MERTK: variants seen among roughly 807,000 people sequenced by gnomAD.
MERTK encodes tyrosine-protein kinase Mer.
Under a neutral mutation model 99.3 loss-of-function variants are expected in MERTK, and 69 were observed. The ratio of observed to expected loss-of-function variants is 0.70; its 90% CI spans 0.57 to 0.85. The LOEUF is 0.85. MERTK is among the 40% of genes least tolerant of loss of function. The pLI is 0.00. For synonymous variants in MERTK, 426 were observed against 467.6 expected (o/e 0.91, Z 1.15); for missense variants, 1,125 against 1,249.4 (o/e 0.90, Z 1.50).
chr2:111,949,809 C>T (rs1287035883), intron 4 of MERTK, among the ~76,000 whole-genome samples: 1 of 152,140 alleles, frequency 6.6e-6, no homozygotes, highest in Non-Finnish European at 1.5e-5. Flanking sequence ...TTTGCCTGTT[C>T]TTGAACTTCA....
intron 4 of MERTK, among the ~76,000 whole-genome samples, chr2:111,962,604 C>T (rs182180415): frequency 9.7e-4 from 148 of 152,298 alleles, no homozygotes; most frequent in South Asian, 3.9e-3. Context: ...TTTCCCCTAT[C>T]GTTAGCATTT....
intron 4 of MERTK, among the ~76,000 whole-genome samples, chr2:111,957,221 A>C (rs1189603643): frequency 2.0e-5 from 3 of 152,050 alleles, no homozygotes; most frequent in African/African-American, 7.2e-5. Context: ...GCGCCCGGCG[A>C]GACCTGCCTT....
intron 15 of MERTK, among the ~76,000 whole-genome samples, chr2:112,012,830 C>T (rs1429417375): frequency 6.6e-6 from 1 of 152,148 alleles, no homozygotes; most frequent in South Asian, 2.1e-4. Flanking sequence ...CTTAGAAAAA[C>T]ACTAGTCCTC....
intron 12 of MERTK, 97 bp from the exon 13 acceptor site, chr2:112,003,807 T>A: frequency 8.7e-7 from 1 of 1,147,488 alleles, no homozygotes; most frequent in Non-Finnish European, 1.3e-6. Flanking sequence ...TGAGTTGCTC[T>A]CATACCACAT....
chr2:111,945,457 A>G (rs1461257737), intron 3 of MERTK, among the ~76,000 whole-genome samples: 2 of 152,238 alleles, frequency 1.3e-5, no homozygotes, highest in Non-Finnish European at 2.9e-5. Flanking sequence ...ATTATTCAGC[A>G]TCTTTTCCTG....
At chr2:112,025,098 G>A (rs77209182) in intron 18 of MERTK, among the ~76,000 whole-genome samples, 5,740 of 152,292 alleles carry the variant, frequency 0.038, 139 homozygotes, top group Non-Finnish European at 0.059. Context: ...TGGCACTGCC[G>A]CCGACTGTTG....
At chr2:111,957,948 G>A (rs930379384) in intron 4 of MERTK, among the ~76,000 whole-genome samples, 1 of 152,108 alleles carries the variant, frequency 6.6e-6, no homozygotes, top group Non-Finnish European at 1.5e-5. Flanking sequence ...TCAGCAATTC[G>A]GATTGTCCTT....
At chr2:112,007,161 C>CT in intron 13 of MERTK, among the ~76,000 whole-genome samples, 1 of 152,188 alleles carries the variant, frequency 6.6e-6, no homozygotes, top group South Asian at 2.1e-4. Context: ...CTTTTCTTTT[C>CT]TTTTTTTCTT....
chr2:112,015,197 A>G (rs1481315372), intron 15 of MERTK, among the ~76,000 whole-genome samples: 2 of 152,222 alleles, frequency 1.3e-5, no homozygotes, highest in Non-Finnish European at 2.9e-5. Flanking sequence ...TAAATGCCCA[A>G]GAGTAGGATG....
intron 2 of MERTK, among the ~76,000 whole-genome samples, chr2:111,944,530 A>T (rs1684925612): frequency 2.6e-5 from 4 of 152,202 alleles, no homozygotes; most frequent in South Asian, 2.1e-4. Flanking sequence ...GTTTTAAGGA[A>T]TTAGCTCACA....
At position 112,028,558 on chromosome 2, in the gene MERTK, C is replaced by G. The variant is rs1336618436; in HGVS notation, c.2694C>G (p.Asp898Glu). The change falls in exon 19 of 19, where the codon GAC (aspartate) becomes GAG (glutamate). Residue 898 changes from aspartate (D) to glutamate (E), a missense_variant. Physicochemically the swap from Asp to Glu is conservative, Grantham distance 45. Transcript: ENST00000295408. ...STLAPLDLNI[D>E]PDSIIASCTP... ...TTGCTCCACTGGACTTGAACATCGA[C>G]CCTGACTCTATAATTGCCTCCTGCA... 2.5e-6 allele frequency: 4 copies of G among 1,614,050 alleles called. No individual in the cohort carries two copies. Among genetic ancestry groups the G allele is most frequent in the Non-Finnish European group, 3.4e-6 (4 of 1,180,042 alleles).
At position 112,003,080 on chromosome 2, in the gene MERTK, C is replaced by T. The variant is rs1345683114; in HGVS notation, c.1691-12C>T. The T allele has an allele frequency of 1.5e-6, 2 of 1,303,814 alleles. No homozygotes were observed. The highest frequency in any genetic ancestry group is 2.3e-5 in the East Asian group (1 of 43,326). 80.8% of individuals were successfully genotyped at this position (1,303,814 alleles called of 1,614,324 possible). On this transcript the variant is annotated splice_polypyrimidine_tract_variant and intron_variant, in intron 11 of 18. Coordinates refer to ENST00000295408, the MANE Select transcript of MERTK (RefSeq NM_006343.3). Reference sequence around the variant, plus strand: ...GACAATTTTTGTACATACTATGTTACTCCTTTTTCAGTACATAGCTTGGGA... The same window carrying T: ...GACAATTTTTGTACATACTATGTTATTCCTTTTTCAGTACATAGCTTGGGA...
Position 111,983,019 on chromosome 2 carries a change from G to A in MERTK, c.1296+26G>A, listed in dbSNP as rs571231328. 25 of 1,613,094 alleles carry A rather than the reference G, an allele frequency of 1.5e-5. No homozygotes were observed. The South Asian group carries it at 1.8e-4, about 11-fold the overall frequency. The stretch of plus-strand genomic sequence containing the variant: ...GTAAGTCTAAACCCTAGAAGAGCAC[G>A]ATTAGTCATCTCCTTTCAACTTGCT... On this transcript the variant is annotated intron_variant, in intron 8 of 18. Coordinates refer to ENST00000295408, the MANE Select transcript of MERTK (RefSeq NM_006343.3).
intron 7 of MERTK, among the ~76,000 whole-genome samples, chr2:111,981,738 T>TAC (rs397873336): frequency 0.039 from 979 of 25,024 alleles, 12 homozygotes; most frequent in African/African-American, 0.06. Context: ...TACACTCGTG[T>TAC]ACACACACAC....
At chr2:111,959,353 A>T (rs72825612) in intron 4 of MERTK, among the ~76,000 whole-genome samples, 3,189 of 151,816 alleles carry the variant, frequency 0.021, 56 homozygotes, top group Middle Eastern at 0.068. Flanking sequence ...TTTTCCTTTC[A>T]TCTCTTCCTT....
chr2:112,028,368 C>T lies in MERTK; in HGVS notation c.2504C>T (p.Ser835Phe). 6.2e-7 allele frequency: 1 copy of T among 1,614,204 alleles called. No homozygotes were observed. Among genetic ancestry groups the T allele is most frequent in the Non-Finnish European group, 8.5e-7 (1 of 1,180,038 alleles). The change falls in exon 19 of 19, where the codon TCT (serine) becomes TTT (phenylalanine). Residue 835 changes from serine to phenylalanine, a missense_variant. Coordinates refer to ENST00000295408, the MANE Select transcript of MERTK (RefSeq NM_006343.3). ...CLDELYEIMY[S>F]CWRTDPLDRP... ...ACTTTCAGGTATGAAATAATGTACTCTTGCTGGAGAACCGATCCCTTAGAC... is the reference window on the plus strand; with the variant it reads ...ACTTTCAGGTATGAAATAATGTACTTTTGCTGGAGAACCGATCCCTTAGAC...
chr2:111,975,861 C>T (rs141949958), intron 7 of MERTK, among the ~76,000 whole-genome samples: 2 of 152,098 alleles, frequency 1.3e-5, no homozygotes, highest in African/African-American at 4.8e-5. Flanking sequence ...CGGAGACCAG[C>T]TGAGTGTCCT....
At position 111,947,424 on chromosome 2, in the gene MERTK, G is replaced by C. The variant is rs1240257353; in HGVS notation, c.614G>C (p.Ser205Thr). Residue 205 changes from serine (S) to threonine (T), a missense_variant, in exon 4 of 19, where the codon AGC becomes ACC. Coordinates refer to ENST00000295408, the MANE Select transcript of MERTK (RefSeq NM_006343.3). ...GLPHFTKQPE[S>T]MNVTRNTAFN... is the part of the protein sequence containing the mutation. ...CCTCACTTTACTAAGCAGCCTGAGA[G>C]CATGAATGTCACCAGAAACACAGCC... 4.3e-6 allele frequency: 7 copies of C among 1,614,066 alleles called. No homozygotes were observed. Among genetic ancestry groups the C allele is most frequent in the Non-Finnish European group, 5.9e-6 (7 of 1,180,054 alleles).
chr2:111,979,820 G>T (rs2104738278), intron 7 of MERTK, among the ~76,000 whole-genome samples: 2 of 151,326 alleles, frequency 1.3e-5, no homozygotes, highest in East Asian at 1.9e-4. Flanking sequence ...ATTATTTTTT[G>T]TTTGTTTGTC....
Sources: gnomAD v4.1 joint callset for allele counts (sites outside exome capture counted in the v4.1 genomes callset) on GRCh38, gnomAD v4.1.1 for gene constraint, MANE v1.5 for transcripts, NCBI Gene and HGNC (gene_info 2026-07-23, HGNC 2026-07-21) for gene names.